PSPC1: variants seen among roughly 807,000 people sequenced by gnomAD.
The protein encoded by PSPC1 is paraspeckle protein 1.
PSPC1 carries 14 observed loss-of-function variants against 51.6 expected under a neutral mutation model. That is an observed-to-expected ratio of 0.27 (90% CI 0.18 to 0.42). PSPC1 has a LOEUF of 0.42. PSPC1 is among the 10% of genes least tolerant of loss of function. The pLI is 1.00. For missense variants in PSPC1, 406 were observed against 701.1 expected, an observed-to-expected ratio of 0.58 and a Z score of 4.75; for synonymous variants, 193 against 231.9, an observed-to-expected ratio of 0.83 and a Z score of 1.53.
At position 19,703,329 on chromosome 13, in the gene PSPC1, G is replaced by C. The variant is rs1880201376; in HGVS notation, c.1418C>G (p.Ser473Cys). 1.9e-6 allele frequency: 3 copies of C among 1,608,726 alleles called. No individual in the cohort carries two copies. Among genetic ancestry groups the C allele is most frequent in the African/African-American group, 2.7e-5 (2 of 74,654 alleles). Residue 473 changes from serine to cysteine, a missense_variant, in exon 9 of 9, where the codon TCT (serine) becomes TGT (cysteine). Ser to Cys is a moderately radical substitution (Grantham distance 112). Transcript: ENST00000338910. ...ACTCCCCATAGGTGAACCCATCTGA[G>C]ATGGTGGTCCTTGAGGAAATCTGTC... Reference protein sequence around the residue: ...HNDRFPQGPPSQMGSPMGSRT... With the variant: ...HNDRFPQGPPCQMGSPMGSRT...
chr13:19,671,446 T>C (rs1029003693), downstream of PSPC1, among the ~76,000 whole-genome samples: 2 of 152,166 alleles, frequency 1.3e-5, no homozygotes, highest in Non-Finnish European at 2.9e-5. Flanking sequence ...TCTCTCAGTT[T>C]ACAATGTGTT....
At chr13:19,756,025 T>G (rs1887032082) in intron 3 of PSPC1, among the ~76,000 whole-genome samples, 1 of 151,980 alleles carries the variant, frequency 6.6e-6, no homozygotes, top group Admixed American at 6.6e-5. Context: ...TCACCCAAGG[T>G]CAGGAGTTCG....
chr13:19,686,827 A>G (rs1427930354), intron 6 of PSPC1, among the ~76,000 whole-genome samples: 1 of 152,160 alleles, frequency 6.6e-6, no homozygotes, highest in Admixed American at 6.5e-5. Flanking sequence ...TTTAAGTTTG[A>G]GGAATAAGAG....
At chr13:19,674,380 T>TATTG (rs999397437), downstream of PSPC1, among the ~76,000 whole-genome samples, 10 of 152,240 alleles carry the variant, frequency 6.6e-5, no homozygotes, top group East Asian at 1.9e-4. Context: ...GTAAATCCTG[T>TATTG]ATTGATTCTT....
intron 6 of PSPC1, among the ~76,000 whole-genome samples, chr13:19,720,665 T>G (rs533674947): frequency 2.0e-5 from 3 of 152,168 alleles, no homozygotes; most frequent in African/African-American, 7.2e-5. Context: ...CAAACTACTG[T>G]AACAATCATA....
intron 1 of PSPC1, among the ~76,000 whole-genome samples, chr13:19,775,327 G>A (rs1236532056): frequency 1.3e-5 from 2 of 152,006 alleles, no homozygotes; most frequent in Non-Finnish European, 2.9e-5. Context: ...ACTCACGCCT[G>A]GGTGACAGAG....
chr13:19,775,022 TA>T (rs1265817372), intron 1 of PSPC1, among the ~76,000 whole-genome samples: 2 of 151,078 alleles, frequency 1.3e-5, no homozygotes, highest in Admixed American at 6.6e-5. Flanking sequence ...TCCTTTAAAA[TA>T]AAAAAATAAA....
At chr13:19,721,305 A>G (rs2137854489) in intron 6 of PSPC1, among the ~76,000 whole-genome samples, 1 of 152,318 alleles carries the variant, frequency 6.6e-6, no homozygotes, top group East Asian at 1.9e-4. Flanking sequence ...TAGTTATATT[A>G]TACACTAGAC....
At chr13:19,677,751 C>T (rs1265860914) in exon 7 of PSPC1, 1 of 476,076 alleles carries the variant, frequency 2.1e-6, no homozygotes, top group African/African-American at 1.9e-5. Flanking sequence ...TCCAGTACTT[C>T]TGGTCTTAAC....
intron 8 of PSPC1, among the ~76,000 whole-genome samples, chr13:19,704,163 G>A (rs1880324159): frequency 1.3e-5 from 2 of 152,246 alleles, no homozygotes; most frequent in Non-Finnish European, 2.9e-5. Context: ...TGTTTCTATT[G>A]ATGATTATAT....
chr13:19,690,194 T>G (rs1284702812), intron 6 of PSPC1, among the ~76,000 whole-genome samples: 3 of 152,238 alleles, frequency 2.0e-5, no homozygotes, highest in African/African-American at 4.8e-5. Context: ...ATATAATTTT[T>G]ACTGAATTAT....
chr13:19,711,139 C>G (rs1265406519), intron 6 of PSPC1, among the ~76,000 whole-genome samples: 1 of 152,160 alleles, frequency 6.6e-6, no homozygotes, highest in Non-Finnish European at 1.5e-5. Context: ...CAATGCCCAG[C>G]CCTAAAAGCC....
In PSPC1 at chr13:19,782,671, G is replaced by A. The variant is rs201263692; in HGVS notation, c.87C>T (p.Ser29=). The A allele has an allele frequency of 1.3e-6, 2 of 1,553,616 alleles. No individual in the cohort carries two copies. The highest frequency in any genetic ancestry group is 2.1e-5 in the Admixed American group (1 of 48,086). ...LRALESAVGE[S]EPAAAAAMAL... ...CCATGGCTGCCGCGGCCGCCGGCTCGCTCTCGCCCACCGCGGACTCCAGGG... is the reference window on the plus strand; with the variant it reads ...CCATGGCTGCCGCGGCCGCCGGCTCACTCTCGCCCACCGCGGACTCCAGGG... Residue 29 remains serine, a synonymous_variant, in exon 1 of 9, where the codon AGC becomes AGT. Transcript: ENST00000338910. The surrounding 1 kb of genome is among the most constrained non-coding windows in gnomAD (Gnocchi z 4.5).
In PSPC1 at chr13:19,710,099, A is replaced by G. The variant is rs547020893; in HGVS notation, c.1159-500T>C. Among the ~76,000 whole-genome samples, 35 of 152,020 alleles carry G rather than the reference A, an allele frequency of 2.3e-4. No individual in the cohort carries two copies. In the South Asian group the frequency reaches 7.1e-3, roughly 31 times the overall value. ...TTACAATCTTCATTGTCTAAATATT[A>G]TAATTCATTCATGTATTTGTATTCA... On this transcript the variant is annotated intron_variant, in intron 6 of 8. Transcript: ENST00000338910.
chr13:19,736,408 G>A (rs1034056126), intron 5 of PSPC1, among the ~76,000 whole-genome samples: 7 of 151,972 alleles, frequency 4.6e-5, no homozygotes, highest in African/African-American at 1.2e-4. Context: ...TTCAGGCCAC[G>A]CACAGTGGCT....
chr13:19,694,152 CAT>C (rs68075347), intron 6 of PSPC1, among the ~76,000 whole-genome samples: 106,828 of 119,782 alleles, frequency 0.89, 48,478 homozygotes, highest in East Asian at 0.99. Flanking sequence ...AAAAAAAAAC[CAT>C]ATATATATAT....
At chr13:19,771,520 C>G (rs749570449) in intron 2 of PSPC1, among the ~76,000 whole-genome samples, 3 of 152,080 alleles carry the variant, frequency 2.0e-5, no homozygotes, top group Non-Finnish European at 4.4e-5. Flanking sequence ...ACTGCAACCT[C>G]TGCCTCCAGG....
At chr13:19,683,986 A>G (rs957221761) in intron 6 of PSPC1, among the ~76,000 whole-genome samples, 1 of 152,180 alleles carries the variant, frequency 6.6e-6, no homozygotes, top group Admixed American at 6.5e-5. Context: ...AATTAACTCC[A>G]TTTCAAGTGC....
chr13:19,733,783 AAAAAT>A (rs1884427407), intron 5 of PSPC1, among the ~76,000 whole-genome samples: 2 of 138,198 alleles, frequency 1.4e-5, no homozygotes, highest in Non-Finnish European at 3.1e-5. Flanking sequence ...AAAAAGAAAA[AAAAAT>A]ATATATATAT....
Sources: gnomAD v4.1 joint callset for allele counts (sites outside exome capture counted in the v4.1 genomes callset) on GRCh38, gnomAD v4.1.1 for gene constraint, Gnocchi (gnomAD v3.1) non-coding constraint, MANE v1.5 for transcripts, NCBI Gene and HGNC (gene_info 2026-07-23, HGNC 2026-07-21) for gene names.